The following PAPOLA variants were observed in gnomAD, a reference collection of about 807,000 sequenced individuals.
The protein encoded by PAPOLA is poly(A) polymerase alpha.
In PAPOLA, 15 loss-of-function variants were observed where a neutral mutation model predicts 100.6. The observed-to-expected ratio is 0.15, with a 90% CI of 0.10 to 0.23. The LOEUF (loss-of-function observed/expected upper bound fraction) is 0.23, where lower values mean the gene tolerates loss of function less well. Ranked by LOEUF, PAPOLA falls within the 10% of genes least tolerant of loss-of-function variation. The pLI is 1.00. For synonymous variants in PAPOLA, 293 were observed against 300.0 expected (o/e 0.98, Z 0.24); for missense variants, 533 against 884.2 (o/e 0.60, Z 5.04).
At chr14:96,522,108 C>CTTTTTTTTTTT (rs1566840969) in intron 3 of PAPOLA, among the ~76,000 whole-genome samples, 3 of 98,342 alleles carry the variant, frequency 3.1e-5, no homozygotes, top group South Asian at 8.0e-4. Flanking sequence ...TAGCCTCTTT[C>CTTTTTTTTTTT]TTTCTTTCTT....
At chr14:96,552,853 A>G in intron 17 of PAPOLA, 1 of 489,298 alleles carries the variant, frequency 2.0e-6, no homozygotes, top group Non-Finnish European at 3.7e-6. Context: ...TCAGATGTGA[A>G]TGAATGTTAG....
chr14:96,545,025 C>T (rs964310609), intron 15 of PAPOLA, among the ~76,000 whole-genome samples: 1 of 152,154 alleles, frequency 6.6e-6, no homozygotes, highest in East Asian at 1.9e-4. Flanking sequence ...AAATACTACG[C>T]ATAGGGACAA....
chr14:96,507,412 C>T (rs373032780), intron 1 of PAPOLA, among the ~76,000 whole-genome samples: 1 of 150,584 alleles, frequency 6.6e-6, no homozygotes, highest in East Asian at 2.0e-4. Flanking sequence ...CTCAGCCTCC[C>T]GAGTAGCTGG....
chr14:96,514,460 C>T (rs1190945056), intron 1 of PAPOLA, among the ~76,000 whole-genome samples: 2 of 152,254 alleles, frequency 1.3e-5, no homozygotes, highest in South Asian at 2.1e-4. Flanking sequence ...GGATTGCAGG[C>T]GTGTGCCACC....
chr14:96,559,550 CCT>C lies in PAPOLA; in HGVS notation c.2005-1068_2005-1067del, dbSNP rs66829530. On this transcript the variant is annotated intron_variant, in intron 19 of 21. Coordinates refer to ENST00000216277, the MANE Select transcript of PAPOLA (RefSeq NM_032632.5). ...ATTTCCTGGATTATAGCTAAATTAA[CCT>C]CTCTCTCTCTCTCTCTCTCTCTCTC... 2.7e-3 allele frequency among the ~76,000 whole-genome samples: 314 copies of C among 118,414 alleles called. 1 individual carries two copies. Among genetic ancestry groups the C allele is most frequent in the East Asian group, 6.2e-3 (25 of 4,038 alleles). 77.7% of individuals were successfully genotyped at this position (118,414 alleles called of 152,430 possible).
chr14:96,555,651 A>G (rs764779475), intron 17 of PAPOLA, among the ~76,000 whole-genome samples, 196 bp from the exon 18 acceptor site: 6 of 152,200 alleles, frequency 3.9e-5, no homozygotes, highest in Non-Finnish European at 5.9e-5. Context: ...GTGCTGCTTT[A>G]GAAGGTTTGT....
At chr14:96,520,325 G>A in intron 2 of PAPOLA, 97 bp downstream of exon 2, 1 of 893,236 alleles carries the variant, frequency 1.1e-6, no homozygotes, top group Non-Finnish European at 1.7e-6. Context: ...GAAGACCAGG[G>A]TTATTTGCCC....
chr14:96,533,206 T>C (rs1338860809), intron 9 of PAPOLA: 1 of 982,478 alleles, frequency 1.0e-6, no homozygotes, highest in Admixed American at 6.1e-5. Context: ...TTTCCACATA[T>C]GTCAACTATG....
intron 14 of PAPOLA, among the ~76,000 whole-genome samples, chr14:96,543,425 A>G (rs948638366): frequency 1.2e-4 from 19 of 152,204 alleles, no homozygotes; most frequent in South Asian, 4.1e-4. Flanking sequence ...TTCGTATGAG[A>G]CTAGACTCTA....
At chr14:96,549,887 T>G (rs1900699954) in intron 16 of PAPOLA, among the ~76,000 whole-genome samples, 1 of 152,324 alleles carries the variant, frequency 6.6e-6, no homozygotes, top group South Asian at 2.1e-4. Flanking sequence ...GAATGGTGGC[T>G]CATGCTTGTA....
At chr14:96,519,326 C>G (rs1897747317) in intron 1 of PAPOLA, among the ~76,000 whole-genome samples, 1 of 152,028 alleles carries the variant, frequency 6.6e-6, no homozygotes, top group African/African-American at 2.4e-5. Flanking sequence ...TGTTATTCAA[C>G]TGTTAGTTTA....
chr14:96,558,116 T>G (rs1901516482), intron 19 of PAPOLA, among the ~76,000 whole-genome samples: 1 of 149,052 alleles, frequency 6.7e-6, no homozygotes, highest in Non-Finnish European at 1.5e-5. Flanking sequence ...GTGATTTTCA[T>G]CATTGGTTGT....
At chr14:96,507,958 C>T (rs1896845684) in intron 1 of PAPOLA, among the ~76,000 whole-genome samples, 2 of 152,116 alleles carry the variant, frequency 1.3e-5, no homozygotes, top group African/African-American at 4.8e-5. Flanking sequence ...TCACTGCAAC[C>T]CCTGCATCCC....
chr14:96,514,373 G>A (rs1369328531), intron 1 of PAPOLA, among the ~76,000 whole-genome samples: 1 of 151,374 alleles, frequency 6.6e-6, no homozygotes, highest in Non-Finnish European at 1.5e-5. Flanking sequence ...AGTAGAGACG[G>A]GGTTTCACTG....
In PAPOLA at chr14:96,529,022, C is replaced by T. The variant is rs181811155; in HGVS notation, c.495+1016C>T. ...ACTTTTTTTTGGAAGGAGACCTGAC[C>T]TAACTTTGTAAACTTTACAGGATCA... On this transcript the variant is annotated intron_variant, in intron 6 of 21. Coordinates refer to ENST00000216277, the MANE Select transcript of PAPOLA (RefSeq NM_032632.5). Among the ~76,000 whole-genome samples, 139 of 152,154 alleles carry T rather than the reference C, an allele frequency of 9.1e-4. 1 individual carries two copies. The highest frequency in any genetic ancestry group is 3.0e-3 in the African/African-American group (123 of 41,508).
intron 3 of PAPOLA, 106 bp downstream of exon 3, chr14:96,521,178 TGTG>T: frequency 1.5e-6 from 1 of 683,894 alleles, no homozygotes. Flanking sequence ...GAGTCTTTAA[TGTG>T]GAGTCAATTT....
intron 15 of PAPOLA, among the ~76,000 whole-genome samples, chr14:96,545,548 TTTTG>T (rs1239533393): frequency 3.3e-5 from 5 of 152,078 alleles, no homozygotes; most frequent in Admixed American, 1.3e-4. Context: ...ATACTCTATT[TTTTG>T]TTTGTTTTTT....
At chr14:96,548,410 T>C (rs1452098530) in intron 16 of PAPOLA, among the ~76,000 whole-genome samples, 4 of 152,156 alleles carry the variant, frequency 2.6e-5, no homozygotes, top group Non-Finnish European at 5.9e-5. Context: ...TGAGTTAATA[T>C]TTTGCATTAC....
chr14:96,514,844 A>G (rs957364106), intron 1 of PAPOLA, among the ~76,000 whole-genome samples: 15 of 152,348 alleles, frequency 9.8e-5, no homozygotes, highest in Middle Eastern at 6.8e-3. Flanking sequence ...GCAACTTACC[A>G]AGAATAATAT....
Sources: allele counts gnomAD v4.1 joint callset (sites outside exome capture counted in the v4.1 genomes callset), GRCh38; gene constraint gnomAD v4.1.1; transcripts MANE v1.5; gene names NCBI Gene and HGNC (gene_info 2026-07-23, HGNC 2026-07-21).